Variants in ANK2 observed in about 807,000 individuals in gnomAD.
ANK2 encodes ankyrin-2.
Under a neutral mutation model 360.5 loss-of-function variants are expected in ANK2, and 83 were observed. The observed-to-expected ratio is 0.23, with a 90% confidence interval of 0.19 to 0.28. ANK2 has a LOEUF of 0.28. ANK2 is among the 10% of genes least tolerant of loss of function. The probability of loss-of-function intolerance (pLI) is 1.00; values close to 1 mark genes in which losing one functional copy is unlikely to be tolerated. For synonymous variants in ANK2, 1,740 were observed against 1,759.5 expected (o/e 0.99, Z 0.28); for missense variants, 4,201 against 4,795.7 (o/e 0.88, Z 3.66).
At chr4:113,273,478 T>C (rs2059207005) in intron 14 of ANK2, among the ~76,000 whole-genome samples, 1 of 152,200 alleles carries the variant, frequency 6.6e-6, no homozygotes, top group African/African-American at 2.4e-5. Flanking sequence ...TTCTTTTTTC[T>C]TATAACTTTA....
chr4:113,125,818 T>A (rs2095631616), intron 1 of ANK2, among the ~76,000 whole-genome samples: 1 of 152,154 alleles, frequency 6.6e-6, no homozygotes. Flanking sequence ...CCTTGGGTGA[T>A]AGGAACTTTT....
At chr4:113,047,663 C>T (rs1322179397), upstream of ANK2, among the ~76,000 whole-genome samples, 3 of 107,310 alleles carry the variant, frequency 2.8e-5, no homozygotes, top group South Asian at 3.5e-4. Context: ...TGTAGAAGCT[C>T]TTTGGGGTTT....
At chr4:113,145,963 A>G (rs1383677842) in intron 1 of ANK2, 1 of 1,289,810 alleles carries the variant, frequency 7.8e-7, no homozygotes, top group African/African-American at 1.5e-5. Flanking sequence ...CCAGACTACT[A>G]TGGCTGTAAC....
chr4:113,161,366 C>T (rs2097529177), intron 1 of ANK2, among the ~76,000 whole-genome samples: 2 of 152,118 alleles, frequency 1.3e-5, no homozygotes, highest in African/African-American at 4.8e-5. Flanking sequence ...ACTTGATTTG[C>T]TCATCTTTTT....
intron 2 of ANK2, among the ~76,000 whole-genome samples, chr4:112,919,809 C>T (rs542199278): frequency 5.3e-5 from 8 of 152,068 alleles, no homozygotes; most frequent in Non-Finnish European, 1.2e-4. Context: ...TGCATTATAT[C>T]TGCCATTAAT....
At chr4:112,764,596 C>T in the ANK2 span, among the ~76,000 whole-genome samples, 1 of 152,026 alleles carries the variant, frequency 6.6e-6, no homozygotes, top group Non-Finnish European at 1.5e-5. Context: ...TCGGCCTCGG[C>T]CTCCCAAAGT....
chr4:113,218,650 A>G (rs982221366), intron 4 of ANK2, among the ~76,000 whole-genome samples: 1 of 152,198 alleles, frequency 6.6e-6, no homozygotes, highest in African/African-American at 2.4e-5. Flanking sequence ...TGGTCTAACC[A>G]TATCATATAG....
At chr4:113,032,227 T>C (rs13115459) in intron 2 of ANK2, among the ~76,000 whole-genome samples, 87,951 of 151,966 alleles carry the variant, frequency 0.58, 26,794 homozygotes, top group Middle Eastern at 0.73. Context: ...GAGAAAGAGA[T>C]ATAGAATGTT....
intron 1 of ANK2, chr4:113,149,304 G>A (rs2096948885): frequency 6.6e-6 from 1 of 152,156 alleles, no homozygotes; most frequent in Non-Finnish European, 1.5e-5. Context: ...GAGAGAATGA[G>A]TGAGATGATT....
intron 2 of ANK2, among the ~76,000 whole-genome samples, chr4:113,190,541 T>C (rs900655806): frequency 1.3e-5 from 2 of 152,040 alleles, no homozygotes; most frequent in African/African-American, 4.8e-5. Flanking sequence ...AAAGAAATAA[T>C]TTTTAGAGAC....
chr4:112,838,623 T>G (rs56084582), intron 1 of ANK2, among the ~76,000 whole-genome samples: 1 of 152,174 alleles, frequency 6.6e-6, no homozygotes, highest in Non-Finnish European at 1.5e-5. Flanking sequence ...ATCCCAGCAC[T>G]TTGGGAGGCC....
intron 2 of ANK2, among the ~76,000 whole-genome samples, chr4:112,928,613 C>A (rs534724270): frequency 6.6e-6 from 1 of 152,028 alleles, no homozygotes; most frequent in South Asian, 2.1e-4. Flanking sequence ...GGGTCCTAAT[C>A]CAAGACGACT....
chr4:112,737,580 GATGATCCACTTCCAAGGTGGCCTATTCAC>G, the ANK2 span, among the ~76,000 whole-genome samples: 1 of 152,208 alleles, frequency 6.6e-6, no homozygotes, highest in Admixed American at 6.5e-5. Context: ...ACTGGGGTTG[GATGATCCACTTCCAAGGTGGCCTATTCAC>G]ATGACTGGTA....
intron 2 of ANK2, among the ~76,000 whole-genome samples, chr4:112,991,236 C>CAAAAAAAAA (rs10687542): frequency 8.2e-6 from 1 of 122,322 alleles, no homozygotes. Flanking sequence ...GACAGAGCCT[C>CAAAAAAAAA]AAAAAAAAAA....
At chr4:113,350,725 A>G (rs10007759) in intron 37 of ANK2, 2,557 of 155,934 alleles carry the variant, frequency 0.016, 84 homozygotes, top group African/African-American at 0.058. Context: ...ACCCCATCCA[A>G]TGCCTGCCCC....
intron 34 of ANK2, among the ~76,000 whole-genome samples, chr4:113,344,728 G>T (rs1180711878): frequency 6.6e-6 from 1 of 152,222 alleles, no homozygotes. Context: ...AGTTTATGCT[G>T]CAATATGGTA....
intron 2 of ANK2, among the ~76,000 whole-genome samples, chr4:112,981,738 A>G (rs2043175458): frequency 6.6e-6 from 1 of 152,216 alleles, no homozygotes; most frequent in South Asian, 2.1e-4. Flanking sequence ...GTGGAAAAGT[A>G]AAAAGATGCT....
intron 34 of ANK2, 116 bp from the exon 35 acceptor site, chr4:113,345,784 G>C (rs1226665949): frequency 7.4e-7 from 1 of 1,359,522 alleles, no homozygotes; most frequent in African/African-American, 1.4e-5. Context: ...GAAATCCTTT[G>C]AGTTCTTACC....
chr4:112,831,775 T>C (rs6533654), intron 1 of ANK2, among the ~76,000 whole-genome samples: 91,488 of 152,056 alleles, frequency 0.6, 28,736 homozygotes, highest in East Asian at 0.93. Flanking sequence ...ACAGTCACTG[T>C]GAAGGTCTGC....
Sources: gnomAD v4.1 joint callset for allele counts (sites outside exome capture counted in the v4.1 genomes callset) on GRCh38, gnomAD v4.1.1 for gene constraint, MANE v1.5 for transcripts, NCBI Gene and HGNC (gene_info 2026-07-23, HGNC 2026-07-21) for gene names.